The following EIF2AK4 variants were observed in gnomAD, a reference collection of about 807,000 sequenced individuals.
EIF2AK4 encodes the protein eukaryotic translation initiation factor 2 alpha kinase 4.
A neutral mutation model predicts 211.1 loss-of-function variants in EIF2AK4; 139 were observed. The ratio of observed to expected loss-of-function variants is 0.66; its 90% CI spans 0.57 to 0.76. EIF2AK4 has a LOEUF of 0.76. Ranked by LOEUF, EIF2AK4 falls within the 30% of genes least tolerant of loss-of-function variation. The pLI is 0.00. For missense variants in EIF2AK4, 1,664 were observed against 2,043.8 expected, an observed-to-expected ratio of 0.81 and a Z score of 3.58; for synonymous variants, 710 against 751.3, an observed-to-expected ratio of 0.94 and a Z score of 0.90.
At chr15:39,986,000 C>G in intron 14 of EIF2AK4, 112 bp downstream of exon 14, 1 of 857,936 alleles carries the variant, frequency 1.2e-6, no homozygotes, top group African/African-American at 1.7e-5. Context: ...ATTGCCACTA[C>G]CAAAGATTAA....
At chr15:40,023,342 CTT>C (rs1319350437) in intron 32 of EIF2AK4, among the ~76,000 whole-genome samples, 2 of 152,016 alleles carry the variant, frequency 1.3e-5, no homozygotes, top group African/African-American at 4.8e-5. Flanking sequence ...ATATTTTTCT[CTT>C]CTAATTTTTT....
intron 23 of EIF2AK4, among the ~76,000 whole-genome samples, chr15:40,005,247 A>C (rs899001276): frequency 2.0e-5 from 3 of 152,222 alleles, no homozygotes; most frequent in Non-Finnish European, 4.4e-5. Flanking sequence ...ACATATTTAG[A>C]TATAGCCATA....
intron 23 of EIF2AK4, among the ~76,000 whole-genome samples, chr15:40,004,117 A>C (rs1190668767): frequency 2.6e-5 from 4 of 152,230 alleles, no homozygotes; most frequent in African/African-American, 9.6e-5. Flanking sequence ...AGATGACAGG[A>C]GTGTAGGAAA....
chr15:39,981,236 G>T (rs143715388), intron 13 of EIF2AK4, among the ~76,000 whole-genome samples: 1 of 152,076 alleles, frequency 6.6e-6, no homozygotes, highest in African/African-American at 2.4e-5. Context: ...CAGGCATGGT[G>T]GCGGGCACCT....
Position 40,008,031 on chromosome 15 carries a change from T to C in EIF2AK4, c.3412T>C (p.Cys1138Arg), listed in dbSNP as rs760452850. The change falls in exon 25 of 39, where the codon TGC becomes CGC. Residue 1138 changes from cysteine (C) to arginine (R), a missense_variant. Around this residue, in one of 7 missense-constraint regions of EIF2AK4, gnomAD observed 622 missense variants for 796.8 expected, o/e 0.78. Coordinates refer to ENST00000263791, the MANE Select transcript of EIF2AK4 (RefSeq NM_001013703.4). ...AATCTGGGTTTCTCTCTCCAGATAC[T>C]GCATAGAACGTGTGTTCAGGCCGCG... ...RNNILNLKRY[C>R]IERVFRPRKL... The C allele has an allele frequency of 6.3e-7, 1 of 1,577,172 alleles. No homozygotes were observed. Among genetic ancestry groups the C allele is most frequent in the Non-Finnish European group, 8.6e-7 (1 of 1,164,168 alleles).
chr15:40,008,121 A>G lies in EIF2AK4; in HGVS notation c.3502A>G (p.Thr1168Ala). The G allele has an allele frequency of 2.5e-6, 4 of 1,613,104 alleles. No homozygotes were observed. The highest frequency in any genetic ancestry group is 3.4e-6 in the Non-Finnish European group (4 of 1,179,620). The change falls in exon 25 of 39, where the codon ACC (threonine) becomes GCC (alanine). Residue 1168 changes from threonine to alanine, a missense_variant. Coordinates refer to ENST00000263791, the MANE Select transcript of EIF2AK4 (RefSeq NM_001013703.4). ...ECAFDIVTST[T>A]NSFLPTAEII... is the part of the protein sequence containing the mutation. Reference sequence around the variant, plus strand: ...TGCATTTGATATTGTCACTTCTACCACCAACAGCTTTCTGCCCACTGCTGA... The same window carrying G: ...TGCATTTGATATTGTCACTTCTACCGCCAACAGCTTTCTGCCCACTGCTGA...
intron 26 of EIF2AK4, among the ~76,000 whole-genome samples, chr15:40,010,981 C>T (rs1373118646): frequency 2.6e-5 from 4 of 152,240 alleles, no homozygotes; most frequent in Non-Finnish European, 5.9e-5. Context: ...GACTCCCTCC[C>T]TGCCCAAACA....
intron 26 of EIF2AK4, 45 bp from the exon 27 acceptor site, chr15:40,011,236 G>A (rs2035231131): frequency 1.3e-6 from 2 of 1,544,420 alleles, no homozygotes; most frequent in Non-Finnish European, 1.8e-6. Context: ...CTTGTTCAGT[G>A]CCAGATTTCG....
chr15:39,974,866 A>G (rs2034673019), intron 11 of EIF2AK4: 1 of 152,216 alleles, frequency 6.6e-6, no homozygotes, highest in Non-Finnish European at 1.5e-5. Flanking sequence ...CAGCCTGCCC[A>G]GTGATCTGGC....
In EIF2AK4 at chr15:39,967,257, G is replaced by A. The variant is rs188571256; in HGVS notation, c.1018-87G>A. Reference sequence around the variant, plus strand: ...TTTTGTTTTTTTATGCCCCCATCTTGTATGATCAAATACTTCACTTTTGAA... The same window carrying A: ...TTTTGTTTTTTTATGCCCCCATCTTATATGATCAAATACTTCACTTTTGAA... On this transcript the variant is annotated intron_variant, in intron 8 of 38. Transcript: ENST00000263791. 642 of 1,416,092 alleles carry A rather than the reference G, an allele frequency of 4.5e-4. 7 individuals carry two copies. The Admixed American group carries it at 0.016, about 36-fold the overall frequency. The allele number at this position is 1,416,092 out of a possible 1,614,324, so 87.7% of individuals were successfully genotyped here. A position where few individuals can be genotyped will look rare whatever the true frequency, so the allele number is the denominator to read the frequency against.
intron 32 of EIF2AK4, among the ~76,000 whole-genome samples, chr15:40,025,669 C>T (rs1283943929): frequency 6.6e-6 from 1 of 152,308 alleles, no homozygotes; most frequent in Admixed American, 6.5e-5. Context: ...ATTCTATCAT[C>T]TGTGATAAAC....
In EIF2AK4 at chr15:40,000,970, G is replaced by A. The variant is rs2035081555; in HGVS notation, c.2923-18G>A. On this transcript the variant is annotated intron_variant, in intron 20 of 38. Coordinates refer to ENST00000263791, the MANE Select transcript of EIF2AK4 (RefSeq NM_001013703.4). Reference sequence around the variant, plus strand: ...ATCCATTGCATCCCATTAGCAGTGTGCCTGGGTTTTATTGTAGAAATCAGT... The same window carrying A: ...ATCCATTGCATCCCATTAGCAGTGTACCTGGGTTTTATTGTAGAAATCAGT... The A allele has an allele frequency of 6.2e-7, 1 of 1,613,174 alleles. No homozygotes were observed. Among genetic ancestry groups the A allele is most frequent in the East Asian group, 2.2e-5 (1 of 44,882 alleles).
At chr15:40,018,393 T>C (rs1268957034) in intron 29 of EIF2AK4, among the ~76,000 whole-genome samples, 1 of 152,202 alleles carries the variant, frequency 6.6e-6, no homozygotes, top group African/African-American at 2.4e-5. Context: ...CTTAAATCTA[T>C]AGGTTTATGT....
chr15:39,989,848 G>A (rs2034918093), intron 15 of EIF2AK4, among the ~76,000 whole-genome samples: 1 of 152,212 alleles, frequency 6.6e-6, no homozygotes, highest in African/African-American at 2.4e-5. Context: ...GAATGAGTTG[G>A]CAATTGCAAA....
chr15:39,992,263 G>T, intron 17 of EIF2AK4, 34 bp downstream of exon 17: 1 of 1,549,212 alleles, frequency 6.5e-7, no homozygotes, highest in African/African-American at 1.4e-5. Context: ...TCATCCATGT[G>T]TTAAAGACCC....
intron 32 of EIF2AK4, among the ~76,000 whole-genome samples, chr15:40,023,304 T>A: frequency 6.6e-6 from 1 of 152,352 alleles, no homozygotes; most frequent in Non-Finnish European, 1.5e-5. Context: ...TTCTAATTAT[T>A]TTTAAAGGGA....
chr15:40,022,838 A>G (rs1223129882), intron 32 of EIF2AK4, among the ~76,000 whole-genome samples: 3 of 151,224 alleles, frequency 2.0e-5, no homozygotes, highest in Non-Finnish European at 4.4e-5. Context: ...GGTTCTCGCC[A>G]TTTTCCTGCC....
At position 39,972,950 on chromosome 15, in the gene EIF2AK4, G is replaced by A. The variant is rs1355064365; in HGVS notation, c.1596G>A (p.Gln532=). 6.2e-7 allele frequency: 1 copy of A among 1,613,888 alleles called. No individual in the cohort carries two copies. Among genetic ancestry groups the A allele is most frequent in the Non-Finnish European group, 8.5e-7 (1 of 1,180,008 alleles). The part of the protein sequence containing the change: ...LDDKERWSPQ[Q]LLKHSFINPQ... Reference sequence around the variant, plus strand: ...ACAAGGAAAGATGGAGTCCCCAGCAGTTGTTGAAACACAGCTTTATAAATC... The same window carrying A: ...ACAAGGAAAGATGGAGTCCCCAGCAATTGTTGAAACACAGCTTTATAAATC... The change falls in exon 10 of 39, where the codon CAG becomes CAA. Residue 532 remains glutamine (Q), a synonymous_variant. Coordinates refer to ENST00000263791, the MANE Select transcript of EIF2AK4 (RefSeq NM_001013703.4).
intron 22 of EIF2AK4, 94 bp downstream of exon 22, chr15:40,002,882 C>T: frequency 7.2e-7 from 1 of 1,381,354 alleles, no homozygotes; most frequent in Non-Finnish European, 1.0e-6. Context: ...TCATATTTTA[C>T]TTTCAAATTC....
Sources: gnomAD v4.1 joint callset for allele counts (sites outside exome capture counted in the v4.1 genomes callset) on GRCh38, gnomAD v4.1.1 for gene constraint, gnomAD v4.1.1 regional missense constraint, MANE v1.5 for transcripts, NCBI Gene and HGNC (gene_info 2026-07-23, HGNC 2026-07-21) for gene names.